Variants in CLTC observed in about 807,000 individuals in gnomAD.
The protein encoded by CLTC is clathrin heavy chain 1.
In CLTC, 16 loss-of-function variants were observed where a neutral mutation model predicts 195.8. That is an observed-to-expected ratio of 0.08 (90% confidence interval 0.06 to 0.12). The LOEUF is 0.12. CLTC is among the 10% of genes least tolerant of loss of function. The probability of loss-of-function intolerance (pLI) is 1.00; values close to 1 mark genes in which losing one functional copy is unlikely to be tolerated. For missense variants in CLTC, 796 were observed against 2,027.0 expected, an observed-to-expected ratio of 0.39 and a Z score of 11.66; for synonymous variants, 667 against 689.4, an observed-to-expected ratio of 0.97 and a Z score of 0.51.
At chr17:59,622,913 A>G (rs1036422560) in intron 1 of CLTC, among the ~76,000 whole-genome samples, 1 of 152,246 alleles carries the variant, frequency 6.6e-6, no homozygotes, top group African/African-American at 2.4e-5. Flanking sequence ...ACAGCAAATG[A>G]ATGTGAATAT....
chr17:59,681,016 G>A lies in CLTC; in HGVS notation c.3024G>A (p.Leu1008=). The A allele has an allele frequency of 1.2e-6, 2 of 1,614,016 alleles. No homozygotes were observed. Among genetic ancestry groups the A allele is most frequent in the South Asian group, 1.1e-5 (1 of 91,078 alleles). ...TTCCTAATGAACTCATTGAACTGCT[G>A]GAGAAAATTGTCCTTGATAACTCTG... ...ADLPNELIEL[L]EKIVLDNSVF... is the part of the protein sequence containing the mutation. Residue 1008 remains leucine (L), a synonymous_variant, in exon 19 of 32, where the codon CTG becomes CTA. Coordinates refer to ENST00000269122, the MANE Select transcript of CLTC (RefSeq NM_004859.4). The surrounding 1 kb of genome is among the most constrained non-coding windows in gnomAD (Gnocchi z 5.0).
intron 1 of CLTC, among the ~76,000 whole-genome samples, chr17:59,639,771 C>A (rs2031975115): frequency 6.7e-6 from 1 of 148,852 alleles, no homozygotes; most frequent in African/African-American, 2.5e-5. Flanking sequence ...AGTTCGAGAC[C>A]AGCCTGGGTA....
At position 59,693,876 on chromosome 17, in the gene CLTC, A is replaced by G; in HGVS notation, c.*24A>G. 1 of 1,586,048 alleles carries G rather than the reference A, an allele frequency of 6.3e-7. No individual in the cohort carries two copies. Among genetic ancestry groups the G allele is most frequent in the Non-Finnish European group, 8.6e-7 (1 of 1,166,630 alleles). On this transcript the variant is annotated 3_prime_UTR_variant, in exon 32 of 32. Transcript: ENST00000269122. ...GAGATGAAGCGCTGATCCTGTAGTCACCTATTTTCGTACTGAAACATCGTC... is the reference window on the plus strand; with the variant it reads ...GAGATGAAGCGCTGATCCTGTAGTCGCCTATTTTCGTACTGAAACATCGTC...
At chr17:59,631,202 T>G (rs770976704) in intron 1 of CLTC, among the ~76,000 whole-genome samples, 40 of 152,250 alleles carry the variant, frequency 2.6e-4, no homozygotes, top group Non-Finnish European at 4.8e-4. Flanking sequence ...TGTTTCAGAT[T>G]GTTTCCGTTT....
Position 59,681,976 on chromosome 17 carries a change from A to G in CLTC, c.3442+137A>G. ...GTGCTCCATCTTAGTCCAGATAAAA[A>G]GAGGCTGTATTTTGTGAATTTGTAA... On this transcript the variant is annotated intron_variant, in intron 21 of 31. Coordinates refer to ENST00000269122, the MANE Select transcript of CLTC (RefSeq NM_004859.4). The surrounding 1 kb of genome is among the most constrained non-coding windows in gnomAD (Gnocchi z 5.0). The G allele has an allele frequency of 1.2e-6, 1 of 807,034 alleles. No homozygotes were observed. The highest frequency in any genetic ancestry group is 1.9e-6 in the Non-Finnish European group (1 of 533,806). The allele number at this position is 807,034 out of a possible 1,614,324, so 50.0% of individuals were successfully genotyped here.
In CLTC at chr17:59,677,020, C is replaced by T. The variant is rs200957969; in HGVS notation, c.2628C>T (p.His876=). Residue 876 remains histidine (H), a synonymous_variant, in exon 17 of 32, where the codon CAC becomes CAT. Transcript: ENST00000269122. The part of the protein sequence containing the change: ...IHEGCEEPAT[H]NALAKIYIDS... ...AGGGCTGTGAGGAGCCTGCTACTCA[C>T]AATGCCTTAGCCAAAATCTACATAG... is the stretch of plus-strand genomic sequence containing the variant. 88 of 1,613,960 alleles carry T rather than the reference C, an allele frequency of 5.5e-5. No homozygotes were observed. The highest frequency in any genetic ancestry group is 1.3e-5 in the African/African-American group (1 of 74,886).
chr17:59,674,875 T>C (rs2032930442), intron 16 of CLTC, 32 bp downstream of exon 16: 2 of 1,597,124 alleles, frequency 1.3e-6, no homozygotes, highest in South Asian at 2.3e-5. Context: ...GATAAGTTAC[T>C]CTTTCTTAAC....
At chr17:59,660,323 A>G in intron 6 of CLTC, 68 bp from the exon 7 acceptor site, 2 of 1,396,614 alleles carry the variant, frequency 1.4e-6, no homozygotes, top group Non-Finnish European at 2.0e-6. Flanking sequence ...AACCTGTTCT[A>G]AACAGATTTG....
chr17:59,692,844 C>T (rs751822021), intron 31 of CLTC, among the ~76,000 whole-genome samples: 3 of 151,912 alleles, frequency 2.0e-5, no homozygotes, highest in Non-Finnish European at 2.9e-5. Flanking sequence ...TTCACCATAT[C>T]GGCCACGCTG....
chr17:59,685,515 A>G lies in CLTC; in HGVS notation c.4606-72A>G, dbSNP rs1454403746. The G allele has an allele frequency of 1.5e-6, 2 of 1,301,286 alleles. No individual in the cohort carries two copies. Among genetic ancestry groups the G allele is most frequent in the African/African-American group, 1.5e-5 (1 of 67,138 alleles). The allele number at this position is 1,301,286 out of a possible 1,614,324, so 80.6% of individuals were successfully genotyped here. On this transcript the variant is annotated intron_variant, in intron 29 of 31. Coordinates refer to ENST00000269122, the MANE Select transcript of CLTC (RefSeq NM_004859.4). This position sits in a 1 kb window ranked among gnomAD's most constrained non-coding sequence, Gnocchi z 5.0. ...ACCAGATTTATATTGGAAAGTTTCC[A>G]TTGTTTTTCTTGGTTTACTAGTTCA...
intron 1 of CLTC, among the ~76,000 whole-genome samples, chr17:59,643,404 A>G (rs1435811370): frequency 1.3e-5 from 2 of 152,188 alleles, no homozygotes; most frequent in African/African-American, 2.4e-5. Context: ...TACCATCTTT[A>G]GATCCACTAT....
chr17:59,653,484 C>G (rs1048704878), intron 5 of CLTC, among the ~76,000 whole-genome samples: 1 of 151,926 alleles, frequency 6.6e-6, no homozygotes, highest in African/African-American at 2.4e-5. Context: ...TGAGCCACCA[C>G]GCCCGGCCTC....
chr17:59,643,132 G>GGTGTGTGT (rs59380117), intron 1 of CLTC, among the ~76,000 whole-genome samples: 5,620 of 142,192 alleles, frequency 0.04, 247 homozygotes, highest in African/African-American at 0.095. Context: ...TCTTTTCTGG[G>GGTGTGTGT]GTGTGTGTGT....
intron 13 of CLTC, among the ~76,000 whole-genome samples, chr17:59,667,262 G>A (rs189638027): frequency 3.9e-5 from 6 of 152,262 alleles, no homozygotes; most frequent in African/African-American, 1.4e-4. Flanking sequence ...TGAAAATACA[G>A]GTTGAGTGTC....
At chr17:59,641,187 G>C (rs1050750061) in intron 1 of CLTC, among the ~76,000 whole-genome samples, 3 of 151,732 alleles carry the variant, frequency 2.0e-5, no homozygotes, top group African/African-American at 7.3e-5. Flanking sequence ...ACTCAAACTG[G>C]GACATAAATC....
intron 31 of CLTC, among the ~76,000 whole-genome samples, chr17:59,691,843 CA>C (rs2033308978): frequency 6.6e-6 from 1 of 151,576 alleles, no homozygotes; most frequent in Non-Finnish European, 1.5e-5. Context: ...GGAAACACAT[CA>C]AGTCCTTAAA....
In CLTC at chr17:59,693,889, C is replaced by A. The variant is rs757937365; in HGVS notation, c.*37C>A. On this transcript the variant is annotated 3_prime_UTR_variant, in exon 32 of 32. Transcript: ENST00000269122. ...GATCCTGTAGTCACCTATTTTCGTA[C>A]TGAAACATCGTCTTTACCCACTTCT... The A allele has an allele frequency of 4.5e-6, 7 of 1,572,712 alleles. No individual in the cohort carries two copies. The highest frequency in any genetic ancestry group is 6.0e-6 in the Non-Finnish European group (7 of 1,158,580).
intron 16 of CLTC, 97 bp downstream of exon 16, chr17:59,674,940 C>T (rs1310214447): frequency 3.3e-6 from 4 of 1,207,378 alleles, no homozygotes; most frequent in Admixed American, 2.3e-5. Context: ...CTAAATAACA[C>T]ATGGAGAATA....
intron 2 of CLTC, among the ~76,000 whole-genome samples, chr17:59,644,887 G>A (rs905160652): frequency 6.6e-6 from 1 of 152,118 alleles, no homozygotes; most frequent in African/African-American, 2.4e-5. Flanking sequence ...ACAATAACTA[G>A]GGTTTACCTT....
Sources: allele counts gnomAD v4.1 joint callset (sites outside exome capture counted in the v4.1 genomes callset), GRCh38; gene constraint gnomAD v4.1.1; non-coding constraint Gnocchi (gnomAD v3.1); transcripts MANE v1.5; gene names NCBI Gene and HGNC (gene_info 2026-07-23, HGNC 2026-07-21).